Variants in TTN observed in about 807,000 individuals in gnomAD.
The protein encoded by TTN is connectin.
TTN carries 1,525 observed loss-of-function variants against 3,223.0 expected under a neutral mutation model. That is an observed-to-expected ratio of 0.47 (90% CI 0.45 to 0.49). The LOEUF (loss-of-function observed/expected upper bound fraction) is 0.49, where lower values mean the gene tolerates loss of function less well. Among genes scored for constraint, TTN ranks in the 20% least tolerant of loss-of-function variants. The probability of loss-of-function intolerance (pLI) is 0.00; values close to 1 mark genes in which losing one functional copy is unlikely to be tolerated. For missense variants in TTN, 40,786 were observed against 43,424.0 expected, an observed-to-expected ratio of 0.94 and a Z score of 5.40; for synonymous variants, 14,094 against 15,161.0, an observed-to-expected ratio of 0.93 and a Z score of 5.17.
intron 214 of TTN, 30 bp from the exon 215 acceptor site, chr2:178,647,174 CTA>C (rs1238610161): frequency 7.7e-7 from 1 of 1,302,390 alleles, no homozygotes; most frequent in Non-Finnish European, 1.0e-6. Flanking sequence ...TTATTTTAGA[CTA>C]TATTTAGAAC....
At chr2:178,758,773 G>A (rs542862408) in intron 44 of TTN, 37 of 594,386 alleles carry the variant, frequency 6.2e-5, no homozygotes, top group African/African-American at 3.5e-4. Flanking sequence ...GAGAAAAAGC[G>A]GGGCCAAATG....
At position 178,537,879 on chromosome 2, in the gene TTN, C is replaced by T. The variant is rs765303215; in HGVS notation, c.99328G>A (p.Val33110Ile). The T allele has an allele frequency of 6.2e-7, 1 of 1,613,018 alleles. No homozygotes were observed. Among genetic ancestry groups the T allele is most frequent in the East Asian group, 2.2e-5 (1 of 44,848 alleles). The stretch of plus-strand genomic sequence containing the variant: ...GCAGCTTCACCCAATTTTGTGGTAA[C>T]ATCCTTCATTTCTTTGCGTATTCCT... ...APGIRKEMKD[V>I]TTKLGEAAQL... The change falls in exon 355 of 363, where the codon GTT becomes ATT. Residue 33110 changes from valine (V) to isoleucine (I), a missense_variant. Transcript: ENST00000589042.
In TTN at chr2:178,717,579, C is replaced by T; in HGVS notation, c.25295G>A (p.Cys8432Tyr). ...AGTCCCAAGAGGATTAGAAGCAGAG[C>T]AATTATACTGCCCTATGTGGCTCTG... ...TDQSHIGQYN[C>Y]SASNPLGTAS... Residue 8432 changes from cysteine (C) to tyrosine (Y), a missense_variant, in exon 87 of 363, where the codon TGC becomes TAC. Transcript: ENST00000589042. 6.2e-7 allele frequency: 1 copy of T among 1,613,094 alleles called. No homozygotes were observed. Among genetic ancestry groups the T allele is most frequent in the Non-Finnish European group, 8.5e-7 (1 of 1,179,466 alleles).
chr2:178,546,983 C>A lies in TTN; in HGVS notation c.94522+20G>T. Reference sequence around the variant, plus strand: ...AATCAGTAATAATAAACAAATATGCCCTTAAATTGTGATACATACCAACTG... The same window carrying A: ...AATCAGTAATAATAAACAAATATGCACTTAAATTGTGATACATACCAACTG... On this transcript the variant is annotated intron_variant, in intron 340 of 362. Coordinates refer to ENST00000589042, the MANE Select transcript of TTN (RefSeq NM_001267550.2). 6.3e-7 allele frequency: 1 copy of A among 1,596,898 alleles called. No individual in the cohort carries two copies. The highest frequency in any genetic ancestry group is 8.5e-7 in the Non-Finnish European group (1 of 1,170,082).
Position 178,651,251 on chromosome 2 carries a change from G to T in TTN, c.39617C>A (p.Pro13206Gln). 6.2e-7 allele frequency: 1 copy of T among 1,612,902 alleles called. No homozygotes were observed. Among genetic ancestry groups the T allele is most frequent in the Non-Finnish European group, 8.5e-7 (1 of 1,179,232 alleles). ...VAVPKKPEVP[P>Q]AKVPEVPKKP... The stretch of plus-strand genomic sequence containing the variant: ...TCATTAGTGACATGTACCTTTTGCT[G>T]GTGGGACTTCTGGCTTTTTGGGAAC... Residue 13206 changes from proline to glutamine, a missense_variant, in exon 208 of 363, where the codon CCA (proline) becomes CAA (glutamine). Pro to Gln is a moderately conservative substitution (Grantham distance 76, BLOSUM62 -1). Coordinates refer to ENST00000589042, the MANE Select transcript of TTN (RefSeq NM_001267550.2).
rs727505073 is a variant in TTN at position 178,550,107 on chromosome 2, G to T, written c.91731C>A (p.Asp30577Glu). ...CAAATAGGCTGGTGGATCCAAGTAC[G>T]TCGGTTATTTCCATATTCATCCTCT... ...IEKRMNMEIT[D>E]VLGSTSLFVR... The change falls in exon 337 of 363, where the codon GAC (aspartate) becomes GAA (glutamate). Residue 30577 changes from aspartate to glutamate, a missense_variant. Coordinates refer to ENST00000589042, the MANE Select transcript of TTN (RefSeq NM_001267550.2). 2.5e-6 allele frequency: 4 copies of T among 1,613,664 alleles called. No homozygotes were observed. Among genetic ancestry groups the T allele is most frequent in the Non-Finnish European group, 3.4e-6 (4 of 1,179,774 alleles).
At chr2:178,720,320 G>A in intron 80 of TTN, 56 bp from the exon 81 acceptor site, 1 of 1,592,234 alleles carries the variant, frequency 6.3e-7, no homozygotes, top group Non-Finnish European at 8.6e-7. Flanking sequence ...GGCCACACAA[G>A]TTATTAGTTA....
chr2:178,618,543 T>C, intron 251 of TTN, 41 bp downstream of exon 251: 1 of 1,608,172 alleles, frequency 6.2e-7, no homozygotes, highest in Non-Finnish European at 8.5e-7. Context: ...TGCTTTTAAA[T>C]TGTGCTTTGC....
chr2:178,662,552 TG>T lies in TTN; in HGVS notation c.36938del (p.Pro12313GlnfsTer634). 9.4e-7 allele frequency: 1 copy of T among 1,062,058 alleles called. No individual in the cohort carries two copies. Among genetic ancestry groups the T allele is most frequent in the Non-Finnish European group, 1.2e-6 (1 of 805,468 alleles). The allele number at this position is 1,062,058 out of a possible 1,614,324, so 65.8% of individuals were successfully genotyped here. A position where few individuals can be genotyped will look rare whatever the true frequency, so the allele number is the denominator to read the frequency against. On this transcript the variant is annotated frameshift_variant, in exon 176 of 363. Coordinates refer to ENST00000589042, the MANE Select transcript of TTN (RefSeq NM_001267550.2). LOFTEE classifies it high-confidence loss of function. ...ATGTACCTGTAACTGCGGGGGCTTC[TG>T]GTTTTTTGATTGGTGCCTTGGGAAT... ...KKIPKAPIKK[P>X]EAPAVTVPEV...
rs56044609 is a variant in TTN at position 178,566,813 on chromosome 2, C to A, written c.79319G>T (p.Arg26440Leu). ...CACTCTTAGACGCAAATCTGTAATG[C>A]GGCGTTTATTACATTTTATCCATCG... ...GIRWIKCNKR[R>L]ITDLRLRVTG... Residue 26440 changes from arginine to leucine, a missense_variant, in exon 326 of 363, where the codon CGC becomes CTC. Arg to Leu is a moderately radical substitution (Grantham distance 102). Transcript: ENST00000589042. 6.2e-7 allele frequency: 1 copy of A among 1,613,152 alleles called. No individual in the cohort carries two copies.
At position 178,557,692 on chromosome 2, in the gene TTN, C is replaced by T; in HGVS notation, c.87662G>A (p.Ser29221Asn). The T allele has an allele frequency of 6.2e-7, 1 of 1,613,988 alleles. No individual in the cohort carries two copies. Among genetic ancestry groups the T allele is most frequent in the Non-Finnish European group, 8.5e-7 (1 of 1,179,856 alleles). The change falls in exon 328 of 363, where the codon AGT becomes AAT. Residue 29221 changes from serine (S) to asparagine (N), a missense_variant. Transcript: ENST00000589042. ...CACACAAGCTGAATCTATATGATCA[C>T]TGATGCCAAAGCGGTTTTCTGCCTT... ...RIKAENRFGI[S>N]DHIDSACVTV...
In TTN at chr2:178,740,118, A is replaced by G. The variant is rs1349663322; in HGVS notation, c.13115T>C (p.Val4372Ala). 1.2e-6 allele frequency: 2 copies of G among 1,613,566 alleles called. No homozygotes were observed. Among genetic ancestry groups the G allele is most frequent in the Non-Finnish European group, 1.7e-6 (2 of 1,179,802 alleles). The stretch of plus-strand genomic sequence containing the variant: ...CTTAGAAAGAAGGTCCCTTCCCTGT[A>G]CCTCCTGCACTTTCTTTATTGCCAC... ...EPVAIKKVQE[V>A]QGRDLLSKES... Residue 4372 changes from valine (V) to alanine (A), a missense_variant, in exon 48 of 363, where the codon GTA (valine) becomes GCA (alanine). Val to Ala is a moderately conservative substitution (Grantham distance 64, BLOSUM62 0). Coordinates refer to ENST00000589042, the MANE Select transcript of TTN (RefSeq NM_001267550.2).
In TTN at chr2:178,710,815, C is replaced by T. The variant is rs1284963573; in HGVS notation, c.28282G>A (p.Val9428Ile). The T allele has an allele frequency of 4.3e-6, 7 of 1,613,914 alleles. No individual in the cohort carries two copies. Among genetic ancestry groups the T allele is most frequent in the Middle Eastern group, 1.6e-4 (1 of 6,062 alleles). Reference sequence around the variant, plus strand: ...TCTCTGCTGTCTTTGGCCCAGCTGACCTTTATCGGTTGTGTGCCCGTGACG... The same window carrying T: ...TCTCTGCTGTCTTTGGCCCAGCTGATCTTTATCGGTTGTGTGCCCGTGACG... Reference protein sequence around the residue: ...CHVTGTQPIKVSWAKDSREIR... With the variant: ...CHVTGTQPIKISWAKDSREIR... The change falls in exon 98 of 363, where the codon GTC (valine) becomes ATC (isoleucine). Residue 9428 changes from valine to isoleucine, a missense_variant. Transcript: ENST00000589042.
At position 178,616,533 on chromosome 2, in the gene TTN, C is replaced by T. The variant is rs373909192; in HGVS notation, c.48258G>A (p.Pro16086=). The T allele has an allele frequency of 2.1e-5, 34 of 1,612,300 alleles. No individual in the cohort carries two copies. The highest frequency in any genetic ancestry group is 1.6e-4 in the Middle Eastern group (1 of 6,066). The change falls in exon 257 of 363, where the codon CCG becomes CCA. Residue 16086 remains proline, a synonymous_variant. Transcript: ENST00000589042. Reference sequence around the variant, plus strand: ...GTTTTTCAACAACGTATCCAGTTAACGGACTTCCTCCATCATCATCAGGTG... The same window carrying T: ...GTTTTTCAACAACGTATCCAGTTAATGGACTTCCTCCATCATCATCAGGTG... ...WEPPDDDGGS[P]LTGYVVEKRE... is the part of the protein sequence containing the mutation.
intron 162 of TTN, 151 bp downstream of exon 162, chr2:178,667,085 A>G (rs931406420): frequency 1.1e-6 from 1 of 900,844 alleles, no homozygotes; most frequent in African/African-American, 1.7e-5. Flanking sequence ...GGGGCAAGTC[A>G]TAGGTCATTC....
At chr2:178,794,866 C>G (rs974544426) in intron 7 of TTN, 56 bp downstream of exon 7, 3 of 1,583,514 alleles carry the variant, frequency 1.9e-6, no homozygotes, top group African/African-American at 1.3e-5. Context: ...TGGCAGAAAT[C>G]CAGTTGGAGA....
In TTN at chr2:178,547,192, C is replaced by G. The variant is rs564410456; in HGVS notation, c.94333G>C (p.Val31445Leu). The change falls in exon 340 of 363, where the codon GTT becomes CTT. Residue 31445 changes from valine to leucine, a missense_variant. Physicochemically the swap from Val to Leu is conservative, Grantham distance 32. Coordinates refer to ENST00000589042, the MANE Select transcript of TTN (RefSeq NM_001267550.2). ...DGGSKIIGYW[V>L]EKKERNTILW... ...ATTGTATTACGTTCTTTCTTCTCAA[C>G]CCAGTAGCCAATGATTTTACTGCCA... 1 of 1,613,820 alleles carries G rather than the reference C, an allele frequency of 6.2e-7. No individual in the cohort carries two copies. The highest frequency in any genetic ancestry group is 8.5e-7 in the Non-Finnish European group (1 of 1,179,772).
At chr2:178,734,059 C>A (rs1682613865) in intron 52 of TTN, among the ~76,000 whole-genome samples, 167 bp from the exon 53 acceptor site, 1 of 151,918 alleles carries the variant, frequency 6.6e-6, no homozygotes, top group South Asian at 2.1e-4. Context: ...TAATTCCATC[C>A]AAGAGACAGA....
chr2:178,709,587 T>C lies in TTN; in HGVS notation c.28732A>G (p.Thr9578Ala), dbSNP rs1370314453. The change falls in exon 99 of 363, where the codon ACG becomes GCG. Residue 9578 changes from threonine to alanine, a missense_variant. By Grantham distance (58) the Thr-to-Ala change is moderately conservative (BLOSUM62 0). Transcript: ENST00000589042. Reference protein sequence around the residue: ...VSNDAGSALCTSSIVIKEPKK... With the variant: ...VSNDAGSALCASSIVIKEPKK... ...TCACCTTTGATGACGATTGAAGACG[T>C]GCACAGAGCAGAGCCTGCATCATTG... 6.2e-7 allele frequency: 1 copy of C among 1,611,014 alleles called. No individual in the cohort carries two copies. Among genetic ancestry groups the C allele is most frequent in the Non-Finnish European group, 8.5e-7 (1 of 1,177,410 alleles).
Sources: gnomAD v4.1 joint callset for allele counts (sites outside exome capture counted in the v4.1 genomes callset) on GRCh38, gnomAD v4.1.1 for gene constraint, MANE v1.5 for transcripts, NCBI Gene and HGNC (gene_info 2026-07-23, HGNC 2026-07-21) for gene names.